ITIH1: variants seen among roughly 807,000 people sequenced by gnomAD.
ITIH1 encodes the protein inter-alpha-trypsin inhibitor heavy chain 1.
A neutral mutation model predicts 104.6 loss-of-function variants in ITIH1; 94 were observed. The observed-to-expected ratio is 0.90, with a 90% confidence interval of 0.76 to 1.07. The LOEUF (loss-of-function observed/expected upper bound fraction) is 1.07, where lower values mean the gene tolerates loss of function less well. Ranked by LOEUF, ITIH1 falls within the 50% of genes least tolerant of loss-of-function variation. The pLI, the probability that ITIH1 is intolerant of heterozygous loss-of-function variation, is 0.00. For synonymous variants in ITIH1, 455 were observed against 464.4 expected (o/e 0.98, Z 0.26); for missense variants, 1,193 against 1,181.4 (o/e 1.01, Z -0.14).
rs368393015 is a variant in ITIH1 at position 52,784,337 on chromosome 3, G to A, written c.1267G>A (p.Ala423Thr). ...CCAAATCCTCAAGAACGTCCGCAAC[G>A]CCATCCGGGGCAGGTTCCCGCTCTA... ...RSQILKNVRN[A>T]IRGRFPLYNL... Residue 423 changes from alanine (A) to threonine (T), a missense_variant, in exon 11 of 22, where the codon GCC becomes ACC. Transcript: ENST00000273283. 391 of 1,614,086 alleles carry A rather than the reference G, an allele frequency of 2.4e-4. 4 individuals are homozygous for A. The South Asian group carries it at 3.1e-3, about 13-fold the overall frequency.
chr3:52,777,722 A>G lies in ITIH1; in HGVS notation c.107A>G (p.Lys36Arg), dbSNP rs1336610207. 6.3e-7 allele frequency: 1 copy of G among 1,586,986 alleles called. No individual in the cohort carries two copies. Among genetic ancestry groups the G allele is most frequent in the Middle Eastern group, 1.7e-4 (1 of 5,886 alleles). Residue 36 changes from lysine (K) to arginine (R), a missense_variant, in exon 1 of 22, where the codon AAG (lysine) becomes AGG (arginine). Coordinates refer to ENST00000273283, the MANE Select transcript of ITIH1 (RefSeq NM_002215.4). ...PALGSATGRS[K>R]SSEKRQAVDT... ...CTGGGCTCGGCTACAGGCAGGTCCA[A>G]GAGCAGCGAGGTATATGGCTAAGCC...
At chr3:52,791,442 A>C in intron 20 of ITIH1, 75 bp from the exon 21 acceptor site, 1 of 1,207,630 alleles carries the variant, frequency 8.3e-7, no homozygotes, top group South Asian at 1.2e-5. Context: ...CTAACCCCGC[A>C]GTGAGCACCT....
chr3:52,787,183 TC>T lies in ITIH1; in HGVS notation c.1889-3del, dbSNP rs780846179. ...CTAATTATTTTCTCTTTCTCTCCCT[TC>T]CAGATTCTCCGCCTTTGGGTGAGTT... On this transcript the variant is annotated splice_region_variant and splice_polypyrimidine_tract_variant and intron_variant, in intron 14 of 21. Transcript: ENST00000273283. 21 of 1,614,100 alleles carry T rather than the reference TC, an allele frequency of 1.3e-5. No homozygotes were observed. Among genetic ancestry groups the T allele is most frequent in the Non-Finnish European group, 1.8e-5 (21 of 1,180,032 alleles).
rs866268690 is a variant in ITIH1 at position 52,786,428 on chromosome 3, C to T, written c.1727C>T (p.Ala576Val). Reference sequence around the variant, plus strand: ...TACCTCACCATCCAGGAGCTGCTGGCCAAGCGGTAGGGCACCTGCAGCTGC... The same window carrying T: ...TACCTCACCATCCAGGAGCTGCTGGTCAAGCGGTAGGGCACCTGCAGCTGC... ...WAYLTIQELL[A>V]KRMKVDREER... Residue 576 changes from alanine to valine, a missense_variant, in exon 13 of 22, where the codon GCC becomes GTC. Coordinates refer to ENST00000273283, the MANE Select transcript of ITIH1 (RefSeq NM_002215.4). 6.3e-7 allele frequency: 1 copy of T among 1,580,786 alleles called. No homozygotes were observed. The highest frequency in any genetic ancestry group is 8.6e-7 in the Non-Finnish European group (1 of 1,163,236).
chr3:52,779,712 C>T lies in ITIH1; in HGVS notation c.573+118C>T, dbSNP rs1698989764. 4.0e-6 allele frequency: 5 copies of T among 1,264,118 alleles called. No homozygotes were observed. In the South Asian group the frequency reaches 6.1e-5, roughly 15 times the overall value. 78.3% of individuals were successfully genotyped at this position (1,264,118 alleles called of 1,614,324 possible). ...AGGCCTGAGAACACAGGGATGGGGA[C>T]TAACCCCTCAGGGTGAGCTCTGATG... On this transcript the variant is annotated intron_variant, in intron 5 of 21. Coordinates refer to ENST00000273283, the MANE Select transcript of ITIH1 (RefSeq NM_002215.4). The surrounding 1 kb of genome is among the most constrained non-coding windows in gnomAD (Gnocchi z 4.4).
chr3:52,791,489 A>C, intron 20 of ITIH1, 28 bp from the exon 21 acceptor site: 2 of 1,576,038 alleles, frequency 1.3e-6, no homozygotes, highest in African/African-American at 1.4e-5. Flanking sequence ...CCGAGATGGT[A>C]ACCGCTGTCT....
chr3:52,782,319 C>A, intron 8 of ITIH1, 52 bp downstream of exon 8: 1 of 1,366,488 alleles, frequency 7.3e-7, no homozygotes, highest in Non-Finnish European at 1.0e-6. Context: ...ACAGCCCCAT[C>A]ACTCACCACA....
chr3:52,791,016 A>C (rs2154108875), intron 20 of ITIH1, 95 bp downstream of exon 20: 1 of 1,323,074 alleles, frequency 7.6e-7, no homozygotes. Flanking sequence ...ATAGCTGGGC[A>C]CCAGGACAGG....
chr3:52,778,926 C>G lies in ITIH1; in HGVS notation c.306-16C>G. 13 of 1,578,126 alleles carry G rather than the reference C, an allele frequency of 8.2e-6. No individual in the cohort carries two copies. The highest frequency in any genetic ancestry group is 1.0e-5 in the Non-Finnish European group (12 of 1,147,180). ...GGAGGCTCATCTTTCCTGAGGGTGTCCTTCCCTCCCTGCAGTACAGCAGAT... is the reference window on the plus strand; with the variant it reads ...GGAGGCTCATCTTTCCTGAGGGTGTGCTTCCCTCCCTGCAGTACAGCAGAT... On this transcript the variant is annotated splice_polypyrimidine_tract_variant and intron_variant, in intron 3 of 21. Coordinates refer to ENST00000273283, the MANE Select transcript of ITIH1 (RefSeq NM_002215.4).
In ITIH1 at chr3:52,781,920, C is replaced by A; in HGVS notation, c.688-20C>A. ...GTGGTTACACAGACCAGTAATGGCT[C>A]ACACTCTCGACGGTTCCAGGGTCAT... On this transcript the variant is annotated intron_variant, in intron 6 of 21. Transcript: ENST00000273283. 6.2e-7 allele frequency: 1 copy of A among 1,613,698 alleles called. No homozygotes were observed. The highest frequency in any genetic ancestry group is 8.5e-7 in the Non-Finnish European group (1 of 1,179,780).
In ITIH1 at chr3:52,791,609, C is replaced by T. The variant is rs758995811; in HGVS notation, c.2587C>T (p.Arg863Cys). 4.0e-5 allele frequency: 65 copies of T among 1,613,882 alleles called. No individual in the cohort carries two copies. Among genetic ancestry groups the T allele is most frequent in the Non-Finnish European group, 4.8e-5 (57 of 1,179,992 alleles). The part of the protein sequence containing the change: ...KPDATMVVRN[R>C]RLTVTRGLQK... Reference sequence around the variant, plus strand: ...AGATGCCACGATGGTGGTGAGGAACCGCCGGCTCACGGTCACCAGGTGGGT... The same window carrying T: ...AGATGCCACGATGGTGGTGAGGAACTGCCGGCTCACGGTCACCAGGTGGGT... The change falls in exon 21 of 22, where the codon CGC becomes TGC. Residue 863 changes from arginine to cysteine, a missense_variant. Transcript: ENST00000273283.
chr3:52,778,822 T>C (rs1698968775), intron 3 of ITIH1, 120 bp from the exon 4 acceptor site: 5 of 1,040,128 alleles, frequency 4.8e-6, no homozygotes, highest in African/African-American at 3.1e-5. Flanking sequence ...AGTTCCACCA[T>C]GGGCAGTGGA....
intron 9 of ITIH1, 21 bp from the exon 10 acceptor site, chr3:52,783,193 T>C (rs2154108381): frequency 6.2e-7 from 1 of 1,614,140 alleles, no homozygotes; most frequent in Non-Finnish European, 8.5e-7. Flanking sequence ...CATACACTGG[T>C]CTGCTTTCTC....
rs2154108126 is a variant in ITIH1 at position 52,778,945 on chromosome 3, A to G, written c.309A>G (p.Thr103=). 6.2e-7 allele frequency: 1 copy of G among 1,609,874 alleles called. No individual in the cohort carries two copies. Among genetic ancestry groups the G allele is most frequent in the Non-Finnish European group, 8.5e-7 (1 of 1,176,058 alleles). The part of the protein sequence containing the change: ...KTAFISDFAV[T]ADGNAFIGDI... ...GGGTGTCCTTCCCTCCCTGCAGTAC[A>G]GCAGATGGAAACGCATTTATCGGAG... Residue 103 remains threonine, a synonymous_variant, in exon 4 of 22, where the codon ACA becomes ACG. Transcript: ENST00000273283.
rs751917960 is a variant in ITIH1, at chr3:52,777,637, C to G, written c.22C>G (p.Arg8Gly). ...GAGCATGGACGGTGCCATGGGGCCT[C>G]GGGGGCTGCTGTTGTGCATGTACCT... MDGAMGPRGLLLCMYLVS... is the reference protein window; with the variant it reads MDGAMGPGGLLLCMYLVS... The change falls in exon 1 of 22, where the codon CGG becomes GGG. Residue 8 changes from arginine to glycine, a missense_variant. Arg to Gly is a moderately radical substitution (Grantham distance 125). Coordinates refer to ENST00000273283, the MANE Select transcript of ITIH1 (RefSeq NM_002215.4). 5 of 1,593,590 alleles carry G rather than the reference C, an allele frequency of 3.1e-6. No homozygotes were observed. In the East Asian group the frequency reaches 1.1e-4, roughly 36 times the overall value.
intron 10 of ITIH1, 92 bp downstream of exon 10, chr3:52,783,431 C>A: frequency 2.8e-6 from 4 of 1,411,858 alleles, no homozygotes; most frequent in South Asian, 1.2e-5. Context: ...ATTGGAGATG[C>A]CATCAGGGGG....
Position 52,788,054 on chromosome 3 carries a change from C to G in ITIH1, c.1993C>G (p.Arg665Gly), listed in dbSNP as rs373390489. ...SSSNTQRLPD[R>G]VTGVDTDPHF... ...CTCCAATACCCAGCGGCTGCCAGACCGAGTGACCGGCGGTGAGTCCTTGGA... is the reference window on the plus strand; with the variant it reads ...CTCCAATACCCAGCGGCTGCCAGACGGAGTGACCGGCGGTGAGTCCTTGGA... Residue 665 changes from arginine to glycine, a missense_variant, in exon 17 of 22, where the codon CGA (arginine) becomes GGA (glycine). By Grantham distance (125) the Arg-to-Gly change is moderately radical. Coordinates refer to ENST00000273283, the MANE Select transcript of ITIH1 (RefSeq NM_002215.4). 2.5e-6 allele frequency: 4 copies of G among 1,607,248 alleles called. No homozygotes were observed. In the South Asian group the frequency reaches 4.5e-5, roughly 18 times the overall value.
In ITIH1 at chr3:52,787,048, G is replaced by A. The variant is rs1056450479; in HGVS notation, c.1837G>A (p.Gly613Ser). The change falls in exon 14 of 22, where the codon GGC becomes AGC. Residue 613 changes from glycine (G) to serine (S), a missense_variant. By Grantham distance (56) the Gly-to-Ser change is moderately conservative (BLOSUM62 0). Coordinates refer to ENST00000273283, the MANE Select transcript of ITIH1 (RefSeq NM_002215.4). ...VTPLTSMSIR[G>S]MADQDGLKPT... ...CCCACTGACCTCCATGAGCATCAGG[G>A]GCATGGCGGACCAGGACGGCCTGAA... 2 of 1,614,162 alleles carry A rather than the reference G, an allele frequency of 1.2e-6. No individual in the cohort carries two copies. The highest frequency in any genetic ancestry group is 1.6e-4 in the Middle Eastern group (1 of 6,062).
In ITIH1 at chr3:52,779,463, A is replaced by G; in HGVS notation, c.442A>G (p.Ile148Val). 1 of 1,614,242 alleles carries G rather than the reference A, an allele frequency of 6.2e-7. No homozygotes were observed. The highest frequency in any genetic ancestry group is 8.5e-7 in the Non-Finnish European group (1 of 1,180,034). Residue 148 changes from isoleucine to valine, a missense_variant, in exon 5 of 22, where the codon ATC becomes GTC. Transcript: ENST00000273283. The surrounding 1 kb of genome is among the most constrained non-coding windows in gnomAD (Gnocchi z 4.4). Reference protein sequence around the residue: ...ASGRTMEQFTIHLTVNPQSKV... With the variant: ...ASGRTMEQFTVHLTVNPQSKV... ...GGGGAGAACTATGGAGCAATTCACC[A>G]TCCACCTCACCGTCAATCCCCAGAG...
Sources: allele counts gnomAD v4.1 joint callset, GRCh38; gene constraint gnomAD v4.1.1; non-coding constraint Gnocchi (gnomAD v3.1); transcripts MANE v1.5; gene names NCBI Gene and HGNC (gene_info 2026-07-23, HGNC 2026-07-21).